Variants in SLC24A1 observed in about 807,000 individuals in gnomAD.
The protein encoded by SLC24A1 is sodium/potassium/calcium exchanger 1.
A neutral mutation model predicts 88.1 loss-of-function variants in SLC24A1; 52 were observed. The ratio of observed to expected loss-of-function variants is 0.59; its 90% CI spans 0.47 to 0.74. SLC24A1 has a LOEUF of 0.74. Among genes scored for constraint, SLC24A1 ranks in the 30% least tolerant of loss-of-function variants. SLC24A1 has a pLI of 0.00. For missense variants in SLC24A1, 1,173 were observed against 1,363.3 expected (o/e 0.86, Z 2.20); for synonymous variants, 455 against 498.0 (o/e 0.91, Z 1.15).
At chr15:65,660,620 T>C, downstream of SLC24A1, 1 of 250,258 alleles carries the variant, frequency 4.0e-6, no homozygotes, top group Middle Eastern at 1.3e-3. Context: ...AATATATTTT[T>C]AAAGCTATTT....
chr15:65,638,318 G>A, intron 3 of SLC24A1, 137 bp downstream of exon 3: 1 of 651,190 alleles, frequency 1.5e-6, no homozygotes, highest in Non-Finnish European at 2.8e-6. Context: ...GCGCTGCCAG[G>A]GTGAGGCAAG....
At chr15:65,631,250 T>C (rs188251487) in intron 2 of SLC24A1, among the ~76,000 whole-genome samples, 8 of 152,330 alleles carry the variant, frequency 5.3e-5, no homozygotes, top group Admixed American at 3.9e-4. Context: ...CATGGTGTTC[T>C]ACAAAGAACA....
chr15:65,644,527 C>T lies in SLC24A1; in HGVS notation c.2140+14C>T. On this transcript the variant is annotated intron_variant, in intron 5 of 9. Transcript: ENST00000261892. Reference sequence around the variant, plus strand: ...GCAAACCAGAAGGTGAGAGGATGGCCAGACCAGTGGGTTTTCTCCTGCCCC... The same window carrying T: ...GCAAACCAGAAGGTGAGAGGATGGCTAGACCAGTGGGTTTTCTCCTGCCCC... The T allele has an allele frequency of 1.3e-6, 2 of 1,554,382 alleles. No individual in the cohort carries two copies. Among genetic ancestry groups the T allele is most frequent in the South Asian group, 2.4e-5 (2 of 84,554 alleles).
chr15:65,651,385 A>G (rs1037366304), intron 7 of SLC24A1, among the ~76,000 whole-genome samples: 4 of 152,132 alleles, frequency 2.6e-5, no homozygotes, highest in African/African-American at 9.7e-5. Context: ...CAAACCAGAT[A>G]CCTAGATTGG....
chr15:65,652,840 T>G, intron 9 of SLC24A1, 32 bp downstream of exon 9: 8 of 1,542,682 alleles, frequency 5.2e-6, no homozygotes, highest in Non-Finnish European at 7.1e-6. Flanking sequence ...TAAGGGGTGT[T>G]AAGTATGACT....
At position 65,625,220 on chromosome 15, in the gene SLC24A1, C is replaced by T. The variant is rs1229752700; in HGVS notation, c.1140C>T (p.Thr380=). 1.2e-6 allele frequency: 2 copies of T among 1,613,934 alleles called. No individual in the cohort carries two copies. The highest frequency in any genetic ancestry group is 1.7e-6 in the Non-Finnish European group (2 of 1,179,888). ...CCACAGCACCCAGCACCTCAACAAC[C>T]CCTACGGTCAGGGCAAAGCTGACCA... The part of the protein sequence containing the change: ...KPSTAPSTST[T]PTVRAKLTMQ... Residue 380 remains threonine (T), a synonymous_variant, in exon 2 of 10, where the codon ACC becomes ACT. Coordinates refer to ENST00000261892, the MANE Select transcript of SLC24A1 (RefSeq NM_004727.3).
intron 2 of SLC24A1, among the ~76,000 whole-genome samples, chr15:65,613,480 TTGTGTG>T (rs35141100): frequency 2.7e-5 from 4 of 149,016 alleles, no homozygotes; most frequent in African/African-American, 7.4e-5. Flanking sequence ...CAGGGTGATT[TTGTGTG>T]TGTGTGTGTG....
Position 65,650,019 on chromosome 15 carries a change from C to A in SLC24A1, c.2233-363C>A, listed in dbSNP as rs149170390. ...ATATAAGGACCTGGGAATCTTTAAC[C>A]CAGGGAAGAGAGCTGTCTCATGGAA... is the stretch of plus-strand genomic sequence containing the variant. On this transcript the variant is annotated intron_variant, in intron 6 of 9. Transcript: ENST00000261892. This position sits in a 1 kb window ranked among gnomAD's most constrained non-coding sequence, Gnocchi z 4.1. 6.4e-3 allele frequency among the ~76,000 whole-genome samples: 968 copies of A among 152,244 alleles called. 9 individuals are homozygous for A. The highest frequency in any genetic ancestry group is 0.022 in the African/African-American group (929 of 41,540).
upstream of SLC24A1, among the ~76,000 whole-genome samples, chr15:65,619,599 T>A (rs2074255622): frequency 6.6e-6 from 1 of 151,918 alleles, no homozygotes; most frequent in Admixed American, 6.6e-5. Flanking sequence ...TACTTTCTAC[T>A]GTACAACTGT....
rs759908366 is a variant in SLC24A1 at position 65,645,698 on chromosome 15, G to T, written c.2227G>T (p.Gly743Cys). The change falls in exon 6 of 10, where the codon GGT becomes TGT. Residue 743 changes from glycine (G) to cysteine (C), a missense_variant. Gly to Cys is a radical substitution (Grantham distance 159). Transcript: ENST00000261892. ...GGGAGATCAGAAGGAGAATCCAGGC[G>T]GTCAGGTAGGCACCCAGCCTTGGCA... is the stretch of plus-strand genomic sequence containing the variant. The part of the protein sequence containing the change: ...IKGDQKENPG[G>C]QEDVAEAEST... The T allele has an allele frequency of 1.9e-6, 3 of 1,568,806 alleles. No homozygotes were observed. The highest frequency in any genetic ancestry group is 1.7e-4 in the Middle Eastern group (1 of 6,010).
At chr15:65,644,319 C>A in intron 4 of SLC24A1, 108 bp from the exon 5 acceptor site, 1 of 781,362 alleles carries the variant, frequency 1.3e-6, no homozygotes, top group Non-Finnish European at 2.2e-6. Context: ...CCTTTTCCCA[C>A]ACTCTGCAGC....
At chr15:65,645,760 G>T in intron 6 of SLC24A1, 57 bp downstream of exon 6, 1 of 1,183,532 alleles carries the variant, frequency 8.4e-7, no homozygotes, top group Non-Finnish European at 1.2e-6. Flanking sequence ...AGGAACTCTT[G>T]ACCAAAAATA....
At chr15:65,616,636 G>C (rs1001579541) in intron 2 of SLC24A1, among the ~76,000 whole-genome samples, 5 of 152,190 alleles carry the variant, frequency 3.3e-5, no homozygotes, top group Admixed American at 2.0e-4. Flanking sequence ...CCCTTTGTCA[G>C]ATGGGTAGAT....
upstream of SLC24A1, among the ~76,000 whole-genome samples, chr15:65,619,341 C>G (rs930578408): frequency 3.3e-5 from 5 of 152,170 alleles, no homozygotes; most frequent in Non-Finnish European, 7.3e-5. Flanking sequence ...ATTCAGCCCT[C>G]AGACTCATTT....
At chr15:65,615,334 A>G (rs2074102458) in intron 2 of SLC24A1, among the ~76,000 whole-genome samples, 1 of 152,254 alleles carries the variant, frequency 6.6e-6, no homozygotes, top group African/African-American at 2.4e-5. Flanking sequence ...CTTTCAATGA[A>G]AAAGAAGATA....
downstream of SLC24A1, chr15:65,660,436 G>T (rs2075816650): frequency 4.4e-6 from 3 of 685,536 alleles, no homozygotes; most frequent in South Asian, 6.1e-5. Context: ...CACCTAATTT[G>T]GGACTATCCA....
Position 65,650,649 on chromosome 15 carries a change from A to G in SLC24A1, c.2500A>G (p.Ser834Gly). The G allele has an allele frequency of 6.5e-7, 1 of 1,548,540 alleles. No individual in the cohort carries two copies. The highest frequency in any genetic ancestry group is 8.7e-7 in the Non-Finnish European group (1 of 1,144,742). The change falls in exon 7 of 10, where the codon AGT (serine) becomes GGT (glycine). Residue 834 changes from serine to glycine, a missense_variant. By Grantham distance (56) the Ser-to-Gly change is moderately conservative (BLOSUM62 0). Transcript: ENST00000261892. This position sits in a 1 kb window ranked among gnomAD's most constrained non-coding sequence, Gnocchi z 4.1. ...NEGETESQELSAENHGEAKND... is the reference protein window; with the variant it reads ...NEGETESQELGAENHGEAKND... ...AGGTGAAACTGAAAGCCAGGAACTC[A>G]GTGCTGAAAATCACGGTGAAGCCAA... is the stretch of plus-strand genomic sequence containing the variant.
At position 65,655,883 on chromosome 15, in the gene SLC24A1, C is replaced by G; in HGVS notation, c.*1804C>G. 1.0e-6 allele frequency: 1 copy of G among 985,200 alleles called. No individual in the cohort carries two copies. The highest frequency in any genetic ancestry group is 4.7e-5 in the South Asian group (1 of 21,278). 61.0% of individuals were successfully genotyped at this position (985,200 alleles called of 1,614,324 possible). On this transcript the variant is annotated 3_prime_UTR_variant, in exon 10 of 10. Coordinates refer to ENST00000261892, the MANE Select transcript of SLC24A1 (RefSeq NM_004727.3). ...TATTTTACTTTACAACATGGATGGG[C>G]TCATCCTTATCTTTAGGTCATTTGG...
rs1412441845 is a variant in SLC24A1 at position 65,650,807 on chromosome 15, G to A, written c.2658G>A (p.Glu886=). The part of the protein sequence containing the change: ...EEQEEEEEEE[E]EEEEKGNEEP... ...AGGAGGAAGAGGAGGAGGAGGAGGA[G>A]GAAGAGGAGGAGAAGGGAAATGAAG... Residue 886 remains glutamate, a synonymous_variant, in exon 7 of 10, where the codon GAG becomes GAA. Coordinates refer to ENST00000261892, the MANE Select transcript of SLC24A1 (RefSeq NM_004727.3). The surrounding 1 kb of genome is among the most constrained non-coding windows in gnomAD (Gnocchi z 4.1). The A allele has an allele frequency of 1.2e-6, 2 of 1,612,854 alleles. No homozygotes were observed. Among genetic ancestry groups the A allele is most frequent in the Non-Finnish European group, 1.7e-6 (2 of 1,179,276 alleles).
Sources: allele counts gnomAD v4.1 joint callset (sites outside exome capture counted in the v4.1 genomes callset), GRCh38; gene constraint gnomAD v4.1.1; non-coding constraint Gnocchi (gnomAD v3.1); transcripts MANE v1.5; gene names NCBI Gene and HGNC (gene_info 2026-07-23, HGNC 2026-07-21).